The following GRID2 variants were observed in gnomAD, a reference collection of about 807,000 sequenced individuals.
The protein encoded by GRID2 is glutamate receptor ionotropic, delta-2.
GRID2 carries 33 observed loss-of-function variants against 114.8 expected under a neutral mutation model. That is an observed-to-expected ratio of 0.29 (90% CI 0.22 to 0.38). The LOEUF is 0.38. GRID2 is among the 10% of genes least tolerant of loss of function. The pLI, the probability that GRID2 is intolerant of heterozygous loss-of-function variation, is 1.00. For missense variants in GRID2, 1,184 were observed against 1,257.7 expected (o/e 0.94, Z 0.89); for synonymous variants, 505 against 449.9 (o/e 1.12, Z -1.55).
chr4:93,532,776 T>A (rs561015173), intron 13 of GRID2, among the ~76,000 whole-genome samples: 1 of 152,318 alleles, frequency 6.6e-6, no homozygotes, highest in East Asian at 1.9e-4. Flanking sequence ...TTAGGGAATC[T>A]AATTTAGTTT....
intron 7 of GRID2, among the ~76,000 whole-genome samples, chr4:93,233,839 A>G (rs1746442585): frequency 6.6e-6 from 1 of 152,124 alleles, no homozygotes; most frequent in South Asian, 2.1e-4. Context: ...CCTTGAGGAT[A>G]TTTACAGGAT....
intron 4 of GRID2, among the ~76,000 whole-genome samples, chr4:93,175,140 A>G (rs1299972071): frequency 6.7e-6 from 1 of 149,886 alleles, no homozygotes; most frequent in African/African-American, 2.5e-5. Flanking sequence ...CAATGTTATC[A>G]TTGTTTTTTT....
chr4:92,405,869 T>C lies in GRID2; in HGVS notation c.88+101125T>C, dbSNP rs1355319586. Among the ~76,000 whole-genome samples the C allele has an allele frequency of 8.0e-5, 12 of 150,446 alleles. No individual in the cohort carries two copies. The Admixed American group carries it at 8.8e-4, about 11-fold the overall frequency. ...AGGGACAGAACTAATAGGATAGATG[T>C]ATATATAAAGGGGAGTTTATTAAGT... On this transcript the variant is annotated intron_variant, in intron 1 of 15. Transcript: ENST00000282020.
intron 2 of GRID2, among the ~76,000 whole-genome samples, chr4:92,844,546 C>T (rs1743153254): frequency 6.6e-6 from 1 of 151,592 alleles, no homozygotes; most frequent in African/African-American, 2.4e-5. Flanking sequence ...CTCTAATCAT[C>T]ATCATCATCA....
chr4:93,527,842 C>G (rs1731065780), intron 13 of GRID2, among the ~76,000 whole-genome samples: 1 of 152,054 alleles, frequency 6.6e-6, no homozygotes, highest in South Asian at 2.1e-4. Context: ...AACTAAAACT[C>G]TGTACCCACT....
At chr4:93,534,723 T>G (rs550436425) in intron 13 of GRID2, among the ~76,000 whole-genome samples, 1 of 152,212 alleles carries the variant, frequency 6.6e-6, no homozygotes, top group East Asian at 1.9e-4. Flanking sequence ...TTGGACAAAA[T>G]AGTCAAAGTA....
intron 1 of GRID2, among the ~76,000 whole-genome samples, chr4:92,450,553 T>A (rs2149078057): frequency 6.6e-6 from 1 of 152,258 alleles, no homozygotes; most frequent in African/African-American, 2.4e-5. Context: ...CTCCATTCTC[T>A]GTTTTTTCAG....
chr4:92,766,109 ATCT>A (rs1427968829), intron 2 of GRID2, among the ~76,000 whole-genome samples: 1 of 152,196 alleles, frequency 6.6e-6, no homozygotes, highest in East Asian at 1.9e-4. Context: ...AATACAGATA[ATCT>A]TCTGATTTTC....
chr4:93,792,224 G>C (rs1418620450), intron 1 of GRID2, among the ~76,000 whole-genome samples: 1 of 152,124 alleles, frequency 6.6e-6, no homozygotes, highest in East Asian at 1.9e-4. Context: ...GTCAGCAAAA[G>C]TTAACTCAAT....
In GRID2 at chr4:93,439,179, A is replaced by G. The variant is rs139832456; in HGVS notation, c.1545+16211A>G. Among the ~76,000 whole-genome samples, 1,259 of 152,208 alleles carry G rather than the reference A, an allele frequency of 8.3e-3. 18 individuals are homozygous for G. Among genetic ancestry groups the G allele is most frequent in the African/African-American group, 0.028 (1,182 of 41,554 alleles). ...TGTCTTTATAGCAGCATGATTTACA[A>G]TCCTTTGGGTATATACCCAGTAATG... On this transcript the variant is annotated intron_variant, in intron 10 of 15. Transcript: ENST00000282020.
chr4:92,909,006 T>G (rs1050952411), intron 2 of GRID2, among the ~76,000 whole-genome samples: 2 of 152,160 alleles, frequency 1.3e-5, no homozygotes, highest in Non-Finnish European at 2.9e-5. Context: ...ATTAATTGAT[T>G]GTTCAATTTT....
intron 2 of GRID2, among the ~76,000 whole-genome samples, chr4:93,075,174 C>T (rs1287832255): frequency 1.3e-5 from 2 of 152,036 alleles, no homozygotes; most frequent in Non-Finnish European, 1.5e-5. Flanking sequence ...ATGCAATTGC[C>T]CATATTAGCA....
intron 2 of GRID2, among the ~76,000 whole-genome samples, chr4:92,983,825 C>G (rs575828553): frequency 1.4e-4 from 22 of 152,160 alleles, no homozygotes; most frequent in African/African-American, 4.8e-4. Flanking sequence ...GGTAGGAAGG[C>G]TTTACTGTCA....
intron 1 of GRID2, among the ~76,000 whole-genome samples, chr4:92,307,012 A>G (rs949487675): frequency 6.6e-6 from 1 of 152,112 alleles, no homozygotes; most frequent in Non-Finnish European, 1.5e-5. Flanking sequence ...ATATCGAAAA[A>G]CATTAACTCC....
rs1744265415 is a variant in GRID2, at chr4:93,216,772, G to C, written c.824G>C (p.Arg275Thr). 3 of 1,612,230 alleles carry C rather than the reference G, an allele frequency of 1.9e-6. No individual in the cohort carries two copies. Among genetic ancestry groups the C allele is most frequent in the African/African-American group, 2.7e-5 (2 of 74,838 alleles). Residue 275 changes from arginine (R) to threonine (T), a missense_variant, in exon 6 of 16, where the codon AGA becomes ACA. Arg to Thr is a moderately conservative substitution (Grantham distance 71). Coordinates refer to ENST00000282020, the MANE Select transcript of GRID2 (RefSeq NM_001510.4). ...GATGTGGACGTACAGGAACTTGTAAGAAGGTCAATTGGAAGGTTAACGATT... is the reference window on the plus strand; with the variant it reads ...GATGTGGACGTACAGGAACTTGTAACAAGGTCAATTGGAAGGTTAACGATT... ...INDVDVQELV[R>T]RSIGRLTIIR... is the part of the protein sequence containing the mutation.
At position 93,110,770 on chromosome 4, in the gene GRID2, C is replaced by T. The variant is rs1353138332; in HGVS notation, c.552C>T (p.Phe184=). 15 of 1,611,764 alleles carry T rather than the reference C, an allele frequency of 9.3e-6. No homozygotes were observed. The East Asian group carries it at 2.9e-4, about 31-fold the overall frequency. ...CAGATATCCGTGGAATACAGGAGTT[C>T]TTGGACAAAGTCTCTCAGCAGGGAA... ...SEYDIRGIQE[F]LDKVSQQGMD... The change falls in exon 4 of 16, where the codon TTC becomes TTT. Residue 184 remains phenylalanine, a synonymous_variant. Transcript: ENST00000282020.
At chr4:92,722,341 C>G (rs1735849339) in intron 2 of GRID2, among the ~76,000 whole-genome samples, 1 of 152,072 alleles carries the variant, frequency 6.6e-6, no homozygotes, top group Non-Finnish European at 1.5e-5. Flanking sequence ...ATCATTTCAG[C>G]AGAGCCCAGA....
At chr4:92,400,457 A>G (rs1730732447) in intron 1 of GRID2, among the ~76,000 whole-genome samples, 1 of 152,144 alleles carries the variant, frequency 6.6e-6, no homozygotes, top group Admixed American at 6.6e-5. Context: ...TTTATTGTCA[A>G]ATAATATCCC....
intron 14 of GRID2, among the ~76,000 whole-genome samples, chr4:93,747,322 G>T (rs953926816): frequency 1.3e-5 from 2 of 152,066 alleles, no homozygotes; most frequent in African/African-American, 4.8e-5. Context: ...AAATTTTTCT[G>T]AGTGAACCAA....
Sources: gnomAD v4.1 joint callset for allele counts (sites outside exome capture counted in the v4.1 genomes callset) on GRCh38, gnomAD v4.1.1 for gene constraint, MANE v1.5 for transcripts, NCBI Gene and HGNC (gene_info 2026-07-23, HGNC 2026-07-21) for gene names.